Variants in NKAIN3 observed in about 807,000 individuals in gnomAD.
NKAIN3 encodes the protein sodium/potassium-transporting ATPase subunit beta-1-interacting protein 3.
A neutral mutation model predicts 30.2 loss-of-function variants in NKAIN3; 25 were observed. That is an observed-to-expected ratio of 0.83 (90% CI 0.60 to 1.16). The LOEUF (loss-of-function observed/expected upper bound fraction) is 1.16. Ranked by LOEUF, NKAIN3 falls within the 50% of genes most tolerant of loss-of-function variation. NKAIN3 has a pLI of 0.00. For missense variants in NKAIN3, 225 were observed against 254.1 expected (o/e 0.89, Z 0.78); for synonymous variants, 91 against 89.6 (o/e 1.02, Z -0.09).
chr8:62,350,689 T>TTTTA (rs1563360537), intron 1 of NKAIN3, among the ~76,000 whole-genome samples: 2 of 151,864 alleles, frequency 1.3e-5, no homozygotes, highest in South Asian at 2.1e-4. Context: ...GCTTTTTAAT[T>TTTTA]TTTATTTATT....
intron 1 of NKAIN3, among the ~76,000 whole-genome samples, chr8:62,360,744 T>G (rs915485177): frequency 1.3e-5 from 2 of 152,106 alleles, no homozygotes; most frequent in Admixed American, 1.3e-4. Flanking sequence ...ACTATTATTG[T>G]GTGGGAGTCT....
chr8:62,462,344 A>C (rs572655968), intron 1 of NKAIN3, among the ~76,000 whole-genome samples: 1 of 152,294 alleles, frequency 6.6e-6, no homozygotes, highest in South Asian at 2.1e-4. Flanking sequence ...AGCAGTACTG[A>C]AGTCAAACCA....
rs374259539 is a variant in NKAIN3 at position 62,525,634 on chromosome 8, G to T, written c.55-53905G>T. ...CTTCTTAATTCAGTCCCTGCCCCTC[G>T]GTCGAGCACTGAGGTTCCACCCATG... is the stretch of plus-strand genomic sequence containing the variant. On this transcript the variant is annotated intron_variant, in intron 1 of 6. Coordinates refer to ENST00000623646, the MANE Select transcript of NKAIN3 (RefSeq NM_001304533.3). Among the ~76,000 whole-genome samples the T allele has an allele frequency of 3.9e-4, 59 of 152,138 alleles. No homozygotes were observed. The South Asian group carries it at 0.01, about 27-fold the overall frequency.
chr8:62,604,659 A>T (rs540381731), intron 3 of NKAIN3, among the ~76,000 whole-genome samples: 1 of 152,292 alleles, frequency 6.6e-6, no homozygotes, highest in Admixed American at 6.5e-5. Flanking sequence ...TAATTTTCTA[A>T]AAGAATAGAA....
intron 3 of NKAIN3, among the ~76,000 whole-genome samples, chr8:62,670,443 C>T (rs1813264310): frequency 6.6e-6 from 1 of 152,108 alleles, no homozygotes; most frequent in South Asian, 2.1e-4. Flanking sequence ...ACACTTCCGA[C>T]ACAACGAAGA....
chr8:62,412,699 A>C (rs1432187720), intron 1 of NKAIN3, among the ~76,000 whole-genome samples: 1 of 151,768 alleles, frequency 6.6e-6, no homozygotes, highest in Non-Finnish European at 1.5e-5. Flanking sequence ...GTTTGAGACC[A>C]GCCTGGCCTC....
chr8:62,497,633 A>G (rs1257989311), intron 1 of NKAIN3, among the ~76,000 whole-genome samples: 1 of 152,048 alleles, frequency 6.6e-6, no homozygotes, highest in Non-Finnish European at 1.5e-5. Context: ...GAGGAGGCCA[A>G]TTACAGTTAA....
intron 1 of NKAIN3, among the ~76,000 whole-genome samples, chr8:62,456,551 T>C (rs1354255352): frequency 6.6e-6 from 1 of 151,940 alleles, no homozygotes; most frequent in African/African-American, 2.4e-5. Flanking sequence ...AAGGAAATCT[T>C]TCTTGATCTC....
chr8:62,502,288 A>G (rs765077393), intron 1 of NKAIN3, among the ~76,000 whole-genome samples: 1 of 152,124 alleles, frequency 6.6e-6, no homozygotes, highest in Non-Finnish European at 1.5e-5. Context: ...AATGTCATGA[A>G]GAATAGACTT....
At chr8:62,405,099 G>A (rs773669917) in intron 1 of NKAIN3, among the ~76,000 whole-genome samples, 5 of 152,122 alleles carry the variant, frequency 3.3e-5, no homozygotes, top group African/African-American at 4.8e-5. Context: ...GCCTGGTACC[G>A]TATCCTACTG....
chr8:62,548,116 C>A (rs1466603852), intron 1 of NKAIN3, among the ~76,000 whole-genome samples: 2 of 152,148 alleles, frequency 1.3e-5, no homozygotes, highest in Non-Finnish European at 2.9e-5. Context: ...CTCTTATGCC[C>A]TCCTGGACTC....
At chr8:62,775,207 G>T (rs149937849) in intron 4 of NKAIN3, among the ~76,000 whole-genome samples, 1 of 151,904 alleles carries the variant, frequency 6.6e-6, no homozygotes, top group East Asian at 1.9e-4. Context: ...GTTCACAGTG[G>T]CCTCTAATAA....
chr8:62,873,762 A>G (rs1053738103), intron 4 of NKAIN3, among the ~76,000 whole-genome samples: 10 of 152,104 alleles, frequency 6.6e-5, no homozygotes, highest in African/African-American at 2.2e-4. Context: ...TTAAGGCAGA[A>G]ATCAAGAAGT....
chr8:62,440,219 A>G (rs1349565383), intron 1 of NKAIN3, among the ~76,000 whole-genome samples: 2 of 152,192 alleles, frequency 1.3e-5, no homozygotes, highest in Non-Finnish European at 2.9e-5. Context: ...GAAAATAAAT[A>G]ACAAAGTCCA....
chr8:62,369,192 C>T (rs536504245), intron 1 of NKAIN3, among the ~76,000 whole-genome samples: 2 of 151,856 alleles, frequency 1.3e-5, no homozygotes, highest in East Asian at 1.9e-4. Flanking sequence ...ACCTTGTATC[C>T]GTCTTAAGAC....
At chr8:62,522,473 A>T (rs1191772015) in intron 1 of NKAIN3, among the ~76,000 whole-genome samples, 2 of 152,082 alleles carry the variant, frequency 1.3e-5, no homozygotes. Flanking sequence ...TTATTAAAAA[A>T]AAAGTAAGTG....
intron 3 of NKAIN3, among the ~76,000 whole-genome samples, chr8:62,713,516 C>G (rs1814792236): frequency 6.6e-6 from 1 of 152,098 alleles, no homozygotes; most frequent in African/African-American, 2.4e-5. Flanking sequence ...TTTATCTATC[C>G]CTGTGTTCTT....
intron 3 of NKAIN3, among the ~76,000 whole-genome samples, chr8:62,738,482 C>T (rs547132230): frequency 2.8e-4 from 43 of 151,584 alleles, no homozygotes; most frequent in Middle Eastern, 6.8e-3. Flanking sequence ...GCCTGTAATC[C>T]CAGCTACTCG....
At chr8:62,947,599 A>C (rs1457955071) in intron 5 of NKAIN3, among the ~76,000 whole-genome samples, 1 of 152,200 alleles carries the variant, frequency 6.6e-6, no homozygotes, top group Non-Finnish European at 1.5e-5. Context: ...CTGGATGGGC[A>C]GCTGTCCTGA....
Sources: allele counts gnomAD v4.1 joint callset (sites outside exome capture counted in the v4.1 genomes callset), GRCh38; gene constraint gnomAD v4.1.1; transcripts MANE v1.5; gene names NCBI Gene and HGNC (gene_info 2026-07-23, HGNC 2026-07-21).